Variants in GRID2 observed in about 807,000 individuals in gnomAD.
GRID2 encodes glutamate ionotropic receptor delta type subunit 2.
Under a neutral mutation model 114.8 loss-of-function variants are expected in GRID2, and 33 were observed. That is an observed-to-expected ratio of 0.29 (90% CI 0.22 to 0.38). The LOEUF is 0.38. Among genes scored for constraint, GRID2 ranks in the 10% least tolerant of loss-of-function variants. GRID2 has a pLI of 1.00. For missense variants in GRID2, 1,184 were observed against 1,257.7 expected, an observed-to-expected ratio of 0.94 and a Z score of 0.89; for synonymous variants, 505 against 449.9, an observed-to-expected ratio of 1.12 and a Z score of -1.55.
intron 8 of GRID2, among the ~76,000 whole-genome samples, chr4:93,265,585 A>G (rs2149557633): frequency 6.6e-6 from 1 of 152,294 alleles, no homozygotes; most frequent in Non-Finnish European, 1.5e-5. Flanking sequence ...TCAGAGAAAC[A>G]TTACCAAACT....
intron 2 of GRID2, among the ~76,000 whole-genome samples, chr4:92,605,935 C>T (rs1013101592): frequency 3.3e-5 from 5 of 152,060 alleles, no homozygotes; most frequent in Non-Finnish European, 7.4e-5. Flanking sequence ...GACTTTTTTA[C>T]TGGACCCTTT....
chr4:93,254,816 A>G (rs1227243960), intron 8 of GRID2, among the ~76,000 whole-genome samples: 3 of 152,112 alleles, frequency 2.0e-5, no homozygotes, highest in African/African-American at 7.2e-5. Context: ...TTCCAAGGCA[A>G]ATTGGAAATT....
intron 2 of GRID2, among the ~76,000 whole-genome samples, chr4:92,940,883 T>A (rs1751063821): frequency 6.6e-6 from 1 of 152,242 alleles, no homozygotes; most frequent in African/African-American, 2.4e-5. Flanking sequence ...TTGATTTGCA[T>A]ATGTTGAACC....
intron 8 of GRID2, among the ~76,000 whole-genome samples, chr4:93,299,427 C>G (rs552578228): frequency 4.7e-5 from 7 of 149,870 alleles, no homozygotes; most frequent in Non-Finnish European, 7.4e-5. Flanking sequence ...CTGTTTGAAA[C>G]GGGGAAAAAA....
At chr4:92,881,030 G>A (rs375403167) in intron 2 of GRID2, among the ~76,000 whole-genome samples, 4 of 152,220 alleles carry the variant, frequency 2.6e-5, no homozygotes, top group African/African-American at 7.2e-5. Flanking sequence ...AGCCTCCCGA[G>A]TAGCTGAGAT....
At chr4:93,494,845 G>T (rs1727378241) in intron 12 of GRID2, among the ~76,000 whole-genome samples, 1 of 151,722 alleles carries the variant, frequency 6.6e-6, no homozygotes, top group East Asian at 2.0e-4. Flanking sequence ...ACTAATAGTG[G>T]CAATGGTGAA....
chr4:92,478,694 C>T (rs1051612230), intron 1 of GRID2, among the ~76,000 whole-genome samples: 4 of 152,086 alleles, frequency 2.6e-5, no homozygotes, highest in African/African-American at 9.7e-5. Context: ...AAGTAAATGG[C>T]TTACCTTGGA....
At chr4:92,368,041 G>T (rs1293770532) in intron 1 of GRID2, among the ~76,000 whole-genome samples, 2 of 152,124 alleles carry the variant, frequency 1.3e-5, no homozygotes, top group Admixed American at 1.3e-4. Flanking sequence ...TCAGCAATGA[G>T]AAATAAGTAA....
At chr4:92,708,079 A>G (rs766930728) in intron 2 of GRID2, among the ~76,000 whole-genome samples, 1 of 152,156 alleles carries the variant, frequency 6.6e-6, no homozygotes, top group Non-Finnish European at 1.5e-5. Flanking sequence ...GAAAGTTAAG[A>G]GATAATGGAA....
At chr4:92,475,609 T>A (rs1722267125) in intron 1 of GRID2, among the ~76,000 whole-genome samples, 1 of 152,042 alleles carries the variant, frequency 6.6e-6, no homozygotes, top group Non-Finnish European at 1.5e-5. Flanking sequence ...GGTAGAGAGA[T>A]GCCTCCAAAT....
chr4:93,725,738 G>C (rs1388326254), intron 14 of GRID2, among the ~76,000 whole-genome samples: 3 of 151,938 alleles, frequency 2.0e-5, no homozygotes, highest in Non-Finnish European at 4.4e-5. Context: ...GGCCAGTGAT[G>C]ATGAGCATTT....
intron 8 of GRID2, among the ~76,000 whole-genome samples, chr4:93,337,746 C>T (rs376530688): frequency 5.9e-5 from 9 of 152,046 alleles, no homozygotes; most frequent in African/African-American, 1.7e-4. Context: ...AACTTGTGGC[C>T]GGACAAATAA....
intron 8 of GRID2, among the ~76,000 whole-genome samples, chr4:93,254,787 G>A (rs554806754): frequency 5.9e-5 from 9 of 152,140 alleles, no homozygotes; most frequent in South Asian, 4.1e-4. Context: ...AAAGTGTTAC[G>A]TTTATGTATA....
chr4:92,628,577 C>T (rs1038455921), intron 2 of GRID2, among the ~76,000 whole-genome samples: 10 of 152,094 alleles, frequency 6.6e-5, no homozygotes, highest in Non-Finnish European at 1.3e-4. Flanking sequence ...AGGCTGGTCT[C>T]GAACTCCTGA....
chr4:92,323,812 A>G (rs1400317559), intron 1 of GRID2, among the ~76,000 whole-genome samples: 1 of 152,012 alleles, frequency 6.6e-6, no homozygotes, highest in East Asian at 1.9e-4. Flanking sequence ...GATTGTCCAG[A>G]GCCTAGGACC....
chr4:92,639,799 A>G (rs1302788806), intron 2 of GRID2, among the ~76,000 whole-genome samples: 1 of 151,898 alleles, frequency 6.6e-6, no homozygotes, highest in East Asian at 1.9e-4. Flanking sequence ...AATTTTAAAT[A>G]AAATATCACT....
At chr4:93,669,655 G>A (rs993768741) in intron 14 of GRID2, among the ~76,000 whole-genome samples, 7 of 151,934 alleles carry the variant, frequency 4.6e-5, no homozygotes, top group South Asian at 2.1e-4. Flanking sequence ...TAATATTCAC[G>A]CAACACACTC....
intron 1 of GRID2, among the ~76,000 whole-genome samples, chr4:92,583,443 G>C: frequency 6.6e-6 from 1 of 151,970 alleles, no homozygotes; most frequent in East Asian, 1.9e-4. Flanking sequence ...CAGAGTGCTT[G>C]TGAAGGGTTA....
chr4:93,552,335 A>G (rs1733843974), intron 13 of GRID2, among the ~76,000 whole-genome samples: 1 of 152,152 alleles, frequency 6.6e-6, no homozygotes, highest in Non-Finnish European at 1.5e-5. Context: ...TGCTGCAATA[A>G]ACATACATGT....
Sources: gnomAD v4.1 joint callset for allele counts (sites outside exome capture counted in the v4.1 genomes callset) on GRCh38, gnomAD v4.1.1 for gene constraint, MANE v1.5 for transcripts, NCBI Gene and HGNC (gene_info 2026-07-23, HGNC 2026-07-21) for gene names.